Variants in ERVH48-1 observed in about 807,000 individuals in gnomAD.
ERVH48-1 encodes endogenous retrovirus group 48 member 1, envelope.
A neutral mutation model predicts 2.4 loss-of-function variants in ERVH48-1; 4 were observed. The ratio of observed to expected loss-of-function variants is 1.68; its 90% confidence interval spans 0.83 to 3.84. The LOEUF (loss-of-function observed/expected upper bound fraction) is 3.84. Among genes scored for constraint, ERVH48-1 ranks in the 30% most tolerant of loss-of-function variants. ERVH48-1 has a pLI of 0.01. For synonymous variants in ERVH48-1, 32 were observed against 15.5 expected (o/e 2.06, Z -2.49); for missense variants, 97 against 43.4 (o/e 2.23, Z -3.47).
rs139893344 is a variant in ERVH48-1, at chr21:42,917,300, T to C, written c.*1224A>G. The C allele has an allele frequency of 6.6e-6, 1 of 152,288 alleles. No homozygotes were observed. The highest frequency in any genetic ancestry group is 1.9e-4 in the East Asian group (1 of 5,186). 9.4% of individuals were successfully genotyped at this position (152,288 alleles called of 1,614,324 possible). On this transcript the variant is annotated 3_prime_UTR_variant, in exon 2 of 2. Coordinates refer to ENST00000447535, the MANE Select transcript of ERVH48-1 (RefSeq NM_001308491.2). ...AGCATCATCTGGATTGTCAGGAGGT[T>C]AACTGTAGTTTCAACAAGAGTTTTA...
At position 42,925,603 on chromosome 21, in the gene ERVH48-1, A is replaced by G; in HGVS notation, c.-543T>C. On this transcript the variant is annotated 5_prime_UTR_variant, in exon 1 of 2. Coordinates refer to ENST00000447535, the MANE Select transcript of ERVH48-1 (RefSeq NM_001308491.2). Reference sequence around the variant, plus strand: ...TGTTTTAATAAGCACCTGGATGCAGACAGACTGAGGCCTAGAATGGCATCA... The same window carrying G: ...TGTTTTAATAAGCACCTGGATGCAGGCAGACTGAGGCCTAGAATGGCATCA... 1 of 223,844 alleles carries G rather than the reference A, an allele frequency of 4.5e-6. No individual in the cohort carries two copies. The allele number at this position is 223,844 out of a possible 1,614,324, so 13.9% of individuals were successfully genotyped here. A position where few individuals can be genotyped will look rare whatever the true frequency, so the allele number is the denominator to read the frequency against.
intron 1 of ERVH48-1, among the ~76,000 whole-genome samples, chr21:42,921,982 G>C (rs550292000): frequency 1.3e-5 from 2 of 152,308 alleles, no homozygotes; most frequent in East Asian, 3.9e-4. Flanking sequence ...GTACAGTTTG[G>C]TTAATGAGCC....
intron 1 of ERVH48-1, among the ~76,000 whole-genome samples, chr21:42,924,344 C>T (rs2058814905): frequency 6.6e-6 from 1 of 151,888 alleles, no homozygotes; most frequent in East Asian, 1.9e-4. Flanking sequence ...TTAAAGAAGA[C>T]GGTTGAGAGG....
Position 42,918,558 on chromosome 21 carries a change from G to C in ERVH48-1, c.449C>G (p.Pro150Arg), listed in dbSNP as rs77912643. The C allele has an allele frequency of 2.2e-6, 1 of 456,232 alleles. No homozygotes were observed. The highest frequency in any genetic ancestry group is 2.4e-5 in the Admixed American group (1 of 42,536). The allele number at this position is 456,232 out of a possible 1,614,324, so 28.3% of individuals were successfully genotyped here. A position where few individuals can be genotyped will look rare whatever the true frequency, so the allele number is the denominator to read the frequency against. The stretch of plus-strand genomic sequence containing the variant: ...TTGTATAAAGGAATGGAAATGCCGC[G>C]GGCGATTTTCAGGGGGAGTTGTTGG... ...SKPTTPPENR[P>R]RHFHSFIQKL The change falls in exon 2 of 2, where the codon CCG becomes CGG. Residue 150 changes from proline to arginine, a missense_variant. Coordinates refer to ENST00000447535, the MANE Select transcript of ERVH48-1 (RefSeq NM_001308491.2).
At chr21:42,924,361 CAG>C (rs1428559108) in intron 1 of ERVH48-1, among the ~76,000 whole-genome samples, 1 of 151,920 alleles carries the variant, frequency 6.6e-6, no homozygotes, top group Non-Finnish European at 1.5e-5. Flanking sequence ...GAGGAAGAGG[CAG>C]GGGCTGGAAG....
chr21:42,924,018 C>T (rs1175150744), intron 1 of ERVH48-1, among the ~76,000 whole-genome samples: 3 of 152,202 alleles, frequency 2.0e-5, no homozygotes, highest in Non-Finnish European at 2.9e-5. Context: ...GGCATTCTAG[C>T]ACAGACGCTG....
Position 42,918,661 on chromosome 21 carries a change from C to G in ERVH48-1, c.346G>C (p.Gly116Arg). The G allele has an allele frequency of 2.2e-6, 1 of 456,720 alleles. No homozygotes were observed. The highest frequency in any genetic ancestry group is 4.4e-6 in the Non-Finnish European group (1 of 226,962). The allele number at this position is 456,720 out of a possible 1,614,324, so 28.3% of individuals were successfully genotyped here. ...ACCTGAGTGTTTACTCCCCATTGTC[C>G]AATTTTGGTGAAGCAAAGCCACTGC... ...GKQWLCFTKI[G>R]QWGVNTQVLE... is the part of the protein sequence containing the mutation. Residue 116 changes from glycine to arginine, a missense_variant, in exon 2 of 2, where the codon GGA becomes CGA. Transcript: ENST00000447535.
chr21:42,923,858 A>T (rs181646487), intron 1 of ERVH48-1, among the ~76,000 whole-genome samples: 1 of 152,328 alleles, frequency 6.6e-6, no homozygotes, highest in East Asian at 1.9e-4. Flanking sequence ...GTTAGTTCAT[A>T]AGACTGGGTG....
intron 1 of ERVH48-1, among the ~76,000 whole-genome samples, chr21:42,922,206 G>A (rs1006592222): frequency 6.6e-6 from 1 of 151,964 alleles, no homozygotes; most frequent in Non-Finnish European, 1.5e-5. Flanking sequence ...GGGGTGTGGT[G>A]TTTTGCAACT....
intron 1 of ERVH48-1, among the ~76,000 whole-genome samples, chr21:42,920,845 G>A (rs1568866546): frequency 2.0e-5 from 3 of 152,218 alleles, no homozygotes. Context: ...AGGTAAGAGT[G>A]TGGCCGGGTT....
At chr21:42,922,240 C>T (rs1017936661) in intron 1 of ERVH48-1, among the ~76,000 whole-genome samples, 2 of 151,732 alleles carry the variant, frequency 1.3e-5, no homozygotes, top group African/African-American at 4.8e-5. Context: ...TATCTCAAAA[C>T]AGCGGGGTTA....
rs528439125 is a variant in ERVH48-1, at chr21:42,919,718, G to A, written c.-285-427C>T. On this transcript the variant is annotated intron_variant, in intron 1 of 1. Coordinates refer to ENST00000447535, the MANE Select transcript of ERVH48-1 (RefSeq NM_001308491.2). Reference sequence around the variant, plus strand: ...GGCTGATAAAGGCAGGCCCGTTATCGGACCGGATGGATGTTGGGAGTCTGA... The same window carrying A: ...GGCTGATAAAGGCAGGCCCGTTATCAGACCGGATGGATGTTGGGAGTCTGA... 1.2e-4 allele frequency among the ~76,000 whole-genome samples: 18 copies of A among 152,260 alleles called. No homozygotes were observed. In the South Asian group the frequency reaches 1.2e-3, roughly 11 times the overall value.
In ERVH48-1 at chr21:42,918,500, T is replaced by G; in HGVS notation, c.*24A>C. On this transcript the variant is annotated 3_prime_UTR_variant, in exon 2 of 2. Transcript: ENST00000447535. ...CTAGATCTACAAACAGATTTTTTCCTGGCTTAGGAAGGGATGCATCTGCTT... is the reference window on the plus strand; with the variant it reads ...CTAGATCTACAAACAGATTTTTTCCGGGCTTAGGAAGGGATGCATCTGCTT... 1 of 441,484 alleles carries G rather than the reference T, an allele frequency of 2.3e-6. No individual in the cohort carries two copies. Among genetic ancestry groups the G allele is most frequent in the Non-Finnish European group, 4.6e-6 (1 of 219,332 alleles). 27.3% of individuals were successfully genotyped at this position (441,484 alleles called of 1,614,324 possible).
At position 42,922,635 on chromosome 21, in the gene ERVH48-1, G is replaced by C. The variant is rs550576996; in HGVS notation, c.-286+2711C>G. Among the ~76,000 whole-genome samples the C allele has an allele frequency of 4.0e-3, 605 of 151,636 alleles. 3 individuals carry two copies. The highest frequency in any genetic ancestry group is 7.1e-3 in the Non-Finnish European group (485 of 67,848). ...GGCGCCTGTAGTCCCAGCTACTCGGGAGGCTGAGGCAGGAGAATGGCGTGA... is the reference window on the plus strand; with the variant it reads ...GGCGCCTGTAGTCCCAGCTACTCGGCAGGCTGAGGCAGGAGAATGGCGTGA... On this transcript the variant is annotated intron_variant, in intron 1 of 1. Transcript: ENST00000447535.
intron 1 of ERVH48-1, among the ~76,000 whole-genome samples, chr21:42,924,125 G>A (rs2058814380): frequency 6.6e-6 from 1 of 152,204 alleles, no homozygotes; most frequent in Non-Finnish European, 1.5e-5. Flanking sequence ...GGTTTGAAGG[G>A]GGAAGGAGGG....
chr21:42,917,197 C>G lies in ERVH48-1; in HGVS notation c.*1327G>C, dbSNP rs1411156252. The G allele has an allele frequency of 1.3e-5, 2 of 152,146 alleles. No individual in the cohort carries two copies. Among genetic ancestry groups the G allele is most frequent in the Non-Finnish European group, 2.9e-5 (2 of 68,036 alleles). The allele number at this position is 152,146 out of a possible 1,614,324, so 9.4% of individuals were successfully genotyped here. On this transcript the variant is annotated 3_prime_UTR_variant, in exon 2 of 2. Coordinates refer to ENST00000447535, the MANE Select transcript of ERVH48-1 (RefSeq NM_001308491.2). ...AGGCGTGACATAGGGGTGGCGTGGG[C>G]ACCTTGGAAAAAGAAAAACTTAATT...
In ERVH48-1 at chr21:42,918,816, T is replaced by A. The variant is rs1164539501; in HGVS notation, c.191A>T (p.His64Leu). 1 of 456,600 alleles carries A rather than the reference T, an allele frequency of 2.2e-6. No homozygotes were observed. The highest frequency in any genetic ancestry group is 2.0e-5 in the African/African-American group (1 of 50,060). The allele number at this position is 456,600 out of a possible 1,614,324, so 28.3% of individuals were successfully genotyped here. Residue 64 changes from histidine to leucine, a missense_variant, in exon 2 of 2, where the codon CAT (histidine) becomes CTT (leucine). Coordinates refer to ENST00000447535, the MANE Select transcript of ERVH48-1 (RefSeq NM_001308491.2). ...ATAACAGGATCTTTCTATATGAGTATGGTAAGTAAAGTATTGTTGCATCTC... is the reference window on the plus strand; with the variant it reads ...ATAACAGGATCTTTCTATATGAGTAAGGTAAGTAAAGTATTGTTGCATCTC... ...RGEMQQYFTY[H>L]THIERSCYGN...
rs533897265 is a variant in ERVH48-1, at chr21:42,916,829, G to C, written c.*1695C>G. On this transcript the variant is annotated 3_prime_UTR_variant, in exon 2 of 2. Coordinates refer to ENST00000447535, the MANE Select transcript of ERVH48-1 (RefSeq NM_001308491.2). ...GGAGCAACATGCTGTTTTAATGAGC[G>C]CCTGCATGCAGACAGGCTGAGGCCT... The C allele has an allele frequency of 3.5e-4, 65 of 186,414 alleles. No homozygotes were observed. The highest frequency in any genetic ancestry group is 1.4e-3 in the African/African-American group (57 of 42,000). The allele number at this position is 186,414 out of a possible 1,614,324, so 11.5% of individuals were successfully genotyped here. A position where few individuals can be genotyped will look rare whatever the true frequency, so the allele number is the denominator to read the frequency against.
intron 1 of ERVH48-1, among the ~76,000 whole-genome samples, chr21:42,924,135 G>A (rs769166896): frequency 1.3e-5 from 2 of 152,170 alleles, no homozygotes; most frequent in Non-Finnish European, 2.9e-5. Flanking sequence ...GGGAAGGAGG[G>A]TTGAGTTAAT....
Sources: gnomAD v4.1 joint callset for allele counts (sites outside exome capture counted in the v4.1 genomes callset) on GRCh38, gnomAD v4.1.1 for gene constraint, MANE v1.5 for transcripts, NCBI Gene and HGNC (gene_info 2026-07-23, HGNC 2026-07-21) for gene names.